The following DCC variants were observed in gnomAD, a reference collection of about 807,000 sequenced individuals.
DCC encodes the protein netrin receptor DCC.
In DCC, 58 loss-of-function variants were observed where a neutral mutation model predicts 172.5. The ratio of observed to expected loss-of-function variants is 0.34; its 90% confidence interval spans 0.27 to 0.42. DCC has a LOEUF of 0.42. DCC is among the 10% of genes least tolerant of loss of function. The probability of loss-of-function intolerance (pLI) is 1.00; values close to 1 mark genes in which losing one functional copy is unlikely to be tolerated. For synonymous variants in DCC, 709 were observed against 644.5 expected, an observed-to-expected ratio of 1.10 and a Z score of -1.52; for missense variants, 1,740 against 1,791.0, an observed-to-expected ratio of 0.97 and a Z score of 0.51.
intron 15 of DCC, among the ~76,000 whole-genome samples, chr18:53,374,372 C>G (rs910630676): frequency 6.6e-6 from 1 of 152,228 alleles, no homozygotes; most frequent in African/African-American, 2.4e-5. Flanking sequence ...GCAGAAGCAA[C>G]AGTGCACAAA....
chr18:52,780,729 G>C (rs559059840), intron 2 of DCC, among the ~76,000 whole-genome samples: 2 of 152,222 alleles, frequency 1.3e-5, no homozygotes, highest in South Asian at 4.1e-4. Flanking sequence ...TTCCCTCCAA[G>C]TGTGAGGCAG....
chr18:53,266,896 A>T (rs1043513968), intron 12 of DCC, among the ~76,000 whole-genome samples: 2 of 152,014 alleles, frequency 1.3e-5, no homozygotes, highest in Non-Finnish European at 2.9e-5. Flanking sequence ...TATTGTATAG[A>T]CATAACATTT....
chr18:52,369,449 T>A (rs1433478213), intron 1 of DCC, among the ~76,000 whole-genome samples: 1 of 151,746 alleles, frequency 6.6e-6, no homozygotes, highest in East Asian at 1.9e-4. Flanking sequence ...TTTCTTACCA[T>A]TTGTGTTGAG....
intron 1 of DCC, among the ~76,000 whole-genome samples, chr18:52,592,191 T>G (rs2033815048): frequency 6.6e-6 from 1 of 152,180 alleles, no homozygotes; most frequent in Non-Finnish European, 1.5e-5. Flanking sequence ...TATTTTCAAC[T>G]CTCTTTCCAG....
intron 22 of DCC, among the ~76,000 whole-genome samples, chr18:53,441,283 A>T (rs1350334725): frequency 6.6e-6 from 1 of 152,096 alleles, no homozygotes; most frequent in Non-Finnish European, 1.5e-5. Context: ...CCCTTTTGCC[A>T]GGCCTTTGTC....
At chr18:52,610,178 AATATATATATATATAT>A (rs1158849717) in intron 1 of DCC, among the ~76,000 whole-genome samples, 528 of 14,028 alleles carry the variant, frequency 0.038, 34 homozygotes, top group East Asian at 0.16. Flanking sequence ...AAAAAAAAAA[AATATATATATATATAT>A]ATATATATAT....
intron 7 of DCC, among the ~76,000 whole-genome samples, chr18:53,150,213 T>C (rs1470790804): frequency 1.3e-5 from 2 of 152,204 alleles, no homozygotes; most frequent in East Asian, 3.9e-4. Context: ...AGCTTGGTTT[T>C]TCATTCTACT....
At chr18:53,118,276 G>A (rs188522612) in intron 7 of DCC, among the ~76,000 whole-genome samples, 3 of 151,714 alleles carry the variant, frequency 2.0e-5, no homozygotes, top group African/African-American at 7.2e-5. Flanking sequence ...TATAATTTTC[G>A]ATTATCTGCA....
chr18:52,644,478 C>T (rs1252698774), intron 1 of DCC, among the ~76,000 whole-genome samples: 1 of 151,076 alleles, frequency 6.6e-6, no homozygotes, highest in Non-Finnish European at 1.5e-5. Flanking sequence ...ACTAGGGAGG[C>T]TGAGGCAGGA....
At chr18:53,031,047 T>A (rs755990198) in intron 5 of DCC, among the ~76,000 whole-genome samples, 2 of 152,078 alleles carry the variant, frequency 1.3e-5, no homozygotes, top group African/African-American at 4.8e-5. Context: ...TCACGTGAGG[T>A]CAAGAGTTCG....
At chr18:52,781,906 G>C (rs1943101) in intron 2 of DCC, among the ~76,000 whole-genome samples, 108,721 of 151,960 alleles carry the variant, frequency 0.72, 39,799 homozygotes, top group East Asian at 0.89. Context: ...TTTAAAGTTT[G>C]AATGTTTAAA....
intron 5 of DCC, among the ~76,000 whole-genome samples, chr18:53,023,431 A>AAAAAAAAAAAATT (rs1555697360): frequency 9.0e-6 from 1 of 111,044 alleles, no homozygotes; most frequent in African/African-American, 3.2e-5. Flanking sequence ...AAAAAAAAAG[A>AAAAAAAAAAAATT]TTCTTCTTAT....
chr18:53,315,441 A>G (rs1408012361), intron 13 of DCC, among the ~76,000 whole-genome samples: 1 of 152,128 alleles, frequency 6.6e-6, no homozygotes, highest in Non-Finnish European at 1.5e-5. Flanking sequence ...ATGTGTCTTT[A>G]TAGTAGAATG....
intron 24 of DCC, among the ~76,000 whole-genome samples, chr18:53,461,403 T>G (rs2045557978): frequency 6.6e-6 from 1 of 152,184 alleles, no homozygotes; most frequent in Admixed American, 6.5e-5. Context: ...TCTAGGGTTT[T>G]TATGGTTTTA....
At chr18:52,416,751 T>C (rs1459055179) in intron 1 of DCC, among the ~76,000 whole-genome samples, 1 of 152,074 alleles carries the variant, frequency 6.6e-6, no homozygotes, top group Non-Finnish European at 1.5e-5. Context: ...TCCTTTTATT[T>C]TGAGCCTATG....
chr18:52,511,178 G>A (rs2031424485), intron 1 of DCC, among the ~76,000 whole-genome samples: 1 of 151,536 alleles, frequency 6.6e-6, no homozygotes, highest in African/African-American at 2.4e-5. Context: ...CTACTTGGAA[G>A]GCTGAGGCAG....
chr18:53,034,631 C>T (rs1201873348), intron 5 of DCC, among the ~76,000 whole-genome samples: 1 of 151,964 alleles, frequency 6.6e-6, no homozygotes, highest in African/African-American at 2.4e-5. Flanking sequence ...CTTCTACATT[C>T]TGTCCTTGAC....
intron 5 of DCC, among the ~76,000 whole-genome samples, chr18:53,009,453 G>C (rs2041695004): frequency 6.6e-6 from 1 of 151,828 alleles, no homozygotes. Flanking sequence ...TCACTAAGTT[G>C]GTTATGCTGA....
At chr18:53,463,133 A>T (rs548494860) in intron 24 of DCC, among the ~76,000 whole-genome samples, 1 of 152,316 alleles carries the variant, frequency 6.6e-6, no homozygotes. Flanking sequence ...GGGAGGGGAG[A>T]GCACCTCCAC....
Sources: gnomAD v4.1 joint callset for allele counts (sites outside exome capture counted in the v4.1 genomes callset) on GRCh38, gnomAD v4.1.1 for gene constraint, MANE v1.5 for transcripts, NCBI Gene and HGNC (gene_info 2026-07-23, HGNC 2026-07-21) for gene names.